PRKN: variants seen among roughly 807,000 people sequenced by gnomAD.
PRKN encodes E3 ubiquitin-protein ligase parkin.
A neutral mutation model predicts 59.5 loss-of-function variants in PRKN; 56 were observed. The observed-to-expected ratio is 0.94, with a 90% CI of 0.76 to 1.18. The LOEUF is 1.18. PRKN is among the 50% of genes most tolerant of loss of function. The pLI, the probability that PRKN is intolerant of heterozygous loss-of-function variation, is 0.00. For synonymous variants in PRKN, 250 were observed against 222.1 expected (o/e 1.13, Z -1.12); for missense variants, 657 against 596.4 (o/e 1.10, Z -1.06).
chr6:161,669,608 CAG>C (rs1222189622), intron 7 of PRKN, among the ~76,000 whole-genome samples: 1 of 152,254 alleles, frequency 6.6e-6, no homozygotes, highest in Non-Finnish European at 1.5e-5. Flanking sequence ...TCTTACCACA[CAG>C]AGAGACAGGT....
intron 2 of PRKN, among the ~76,000 whole-genome samples, chr6:162,323,457 T>A (rs1398133663): frequency 1.4e-4 from 20 of 139,492 alleles, no homozygotes; most frequent in African/African-American, 5.1e-4. Context: ...AAGATTTTTT[T>A]AAAAAGCCAA....
At chr6:162,705,991 G>A (rs1197515190) in intron 1 of PRKN, among the ~76,000 whole-genome samples, 1 of 152,038 alleles carries the variant, frequency 6.6e-6, no homozygotes, top group South Asian at 2.1e-4. Flanking sequence ...AGACACCTCC[G>A]CCAGCCCCTG....
chr6:162,341,198 C>T (rs545007358), intron 2 of PRKN, among the ~76,000 whole-genome samples: 1 of 152,144 alleles, frequency 6.6e-6, no homozygotes, highest in South Asian at 2.1e-4. Flanking sequence ...AAATCAAAAC[C>T]ACAGTGAGAT....
At chr6:161,954,677 T>C (rs1674036234) in intron 6 of PRKN, among the ~76,000 whole-genome samples, 2 of 152,182 alleles carry the variant, frequency 1.3e-5, no homozygotes, top group African/African-American at 4.8e-5. Flanking sequence ...CAGCTAACAT[T>C]ATACAGTCAA....
chr6:162,563,604 G>A (rs1407453420), intron 1 of PRKN, among the ~76,000 whole-genome samples: 1 of 152,128 alleles, frequency 6.6e-6, no homozygotes, highest in Non-Finnish European at 1.5e-5. Context: ...TCAATGCCCA[G>A]ACACCAAAGA....
intron 4 of PRKN, among the ~76,000 whole-genome samples, chr6:162,082,274 T>G (rs1779087778): frequency 6.6e-6 from 1 of 152,096 alleles, no homozygotes; most frequent in African/African-American, 2.4e-5. Flanking sequence ...CCATGTGAGA[T>G]GTGCCTTCAC....
At chr6:162,400,457 C>CAAAAAAAAAAA (rs3081908) in intron 2 of PRKN, among the ~76,000 whole-genome samples, 3 of 98,696 alleles carry the variant, frequency 3.0e-5, no homozygotes, top group Non-Finnish European at 5.9e-5. Flanking sequence ...ATGTAAATAT[C>CAAAAAAAAAAA]AAAAAAAAAA....
intron 1 of PRKN, among the ~76,000 whole-genome samples, chr6:162,552,125 T>C (rs1449756801): frequency 6.6e-6 from 1 of 152,162 alleles, no homozygotes; most frequent in Non-Finnish European, 1.5e-5. Flanking sequence ...AAGGGAACAC[T>C]GTGAACAAAG....
chr6:161,598,135 A>G (rs1237400729), intron 7 of PRKN, among the ~76,000 whole-genome samples: 1 of 152,242 alleles, frequency 6.6e-6, no homozygotes, highest in Non-Finnish European at 1.5e-5. Flanking sequence ...CAGATGCTCA[A>G]TAAAAGCTTC....
intron 6 of PRKN, among the ~76,000 whole-genome samples, chr6:161,942,287 T>C (rs1476781154): frequency 6.6e-6 from 1 of 152,074 alleles, no homozygotes; most frequent in Non-Finnish European, 1.5e-5. Context: ...TCCCAGCACT[T>C]TGGGAGGCCG....
intron 6 of PRKN, among the ~76,000 whole-genome samples, chr6:161,929,367 A>T (rs1779083973): frequency 6.6e-6 from 1 of 152,230 alleles, no homozygotes; most frequent in East Asian, 1.9e-4. Context: ...AGGGAAATGG[A>T]CTAACTGCTT....
intron 2 of PRKN, among the ~76,000 whole-genome samples, chr6:162,418,459 T>C (rs954150757): frequency 2.0e-5 from 3 of 152,014 alleles, no homozygotes; most frequent in Admixed American, 2.0e-4. Context: ...AACCATAGAA[T>C]GGTATGCTTA....
chr6:162,100,227 G>T (rs140395282), intron 4 of PRKN, among the ~76,000 whole-genome samples: 9 of 152,018 alleles, frequency 5.9e-5, no homozygotes, highest in African/African-American at 2.2e-4. Flanking sequence ...TGAATAGTGC[G>T]GCAAAGGACA....
rs554821856 is a variant in PRKN at position 161,957,493 on chromosome 6, T to C, written c.734+15809A>G. ...AGGCTGAAGTGCAGTGGCACAATGT[T>C]GGCTAACTGCAACCTCCACCTCCTG... On this transcript the variant is annotated intron_variant, in intron 6 of 11. Transcript: ENST00000366898. Among the ~76,000 whole-genome samples, 9 of 150,512 alleles carry C rather than the reference T, an allele frequency of 6.0e-5. No homozygotes were observed. In the South Asian group the frequency reaches 8.5e-4, roughly 14 times the overall value.
At chr6:161,632,945 A>C (rs1464126887) in intron 7 of PRKN, among the ~76,000 whole-genome samples, 1 of 152,224 alleles carries the variant, frequency 6.6e-6, no homozygotes, top group African/African-American at 2.4e-5. Flanking sequence ...GTACAATTCA[A>C]GATGAGATTT....
chr6:162,263,893 C>A (rs546239834), intron 2 of PRKN, among the ~76,000 whole-genome samples: 39 of 151,622 alleles, frequency 2.6e-4, no homozygotes, highest in African/African-American at 8.5e-4. Context: ...CCCACCCCCC[C>A]AACCAAAAAA....
At position 161,691,868 on chromosome 6, in the gene PRKN, G is replaced by A. The variant is rs183148277; in HGVS notation, c.871+93904C>T. ...AAATGTCGATGAAGATCTTAAAGGC[G>A]TCTGGAATACTGATTTTGGGGTTAC... On this transcript the variant is annotated intron_variant, in intron 7 of 11. Transcript: ENST00000366898. Among the ~76,000 whole-genome samples the A allele has an allele frequency of 2.2e-3, 337 of 151,218 alleles. 2 individuals carry two copies. Among genetic ancestry groups the A allele is most frequent in the African/African-American group, 7.6e-3 (317 of 41,456 alleles).
chr6:161,599,563 T>C (rs990269034), intron 7 of PRKN, among the ~76,000 whole-genome samples: 4 of 152,210 alleles, frequency 2.6e-5, no homozygotes, highest in Non-Finnish European at 5.9e-5. Flanking sequence ...TGACTTACAT[T>C]TGAGACAGGG....
At chr6:161,836,793 G>A (rs564282528) in intron 6 of PRKN, among the ~76,000 whole-genome samples, 3 of 152,064 alleles carry the variant, frequency 2.0e-5, no homozygotes, top group African/African-American at 4.8e-5. Flanking sequence ...CCCCTGAACC[G>A]GGGAGAGGGA....
Sources: allele counts gnomAD v4.1 joint callset (sites outside exome capture counted in the v4.1 genomes callset), GRCh38; gene constraint gnomAD v4.1.1; transcripts MANE v1.5; gene names NCBI Gene and HGNC (gene_info 2026-07-23, HGNC 2026-07-21).